The following PDZD2 variants were observed in gnomAD, a reference collection of about 807,000 sequenced individuals.
PDZD2 encodes PDZ domain containing 2.
Under a neutral mutation model 220.7 loss-of-function variants are expected in PDZD2, and 90 were observed. The ratio of observed to expected loss-of-function variants is 0.41; its 90% confidence interval spans 0.34 to 0.49. PDZD2 has a LOEUF of 0.49. Ranked by LOEUF, PDZD2 falls within the 20% of genes least tolerant of loss-of-function variation. The pLI, the probability that PDZD2 is intolerant of heterozygous loss-of-function variation, is 0.28. For missense variants in PDZD2, 3,174 were observed against 3,608.5 expected (o/e 0.88, Z 3.08); for synonymous variants, 1,375 against 1,450.5 (o/e 0.95, Z 1.18).
At chr5:31,911,576 C>A (rs1047972895) in intron 2 of PDZD2, among the ~76,000 whole-genome samples, 11 of 152,240 alleles carry the variant, frequency 7.2e-5, no homozygotes, top group Non-Finnish European at 1.3e-4. Context: ...TCTGGCAGGA[C>A]TTCTGGCTGC....
chr5:32,088,265 G>C lies in PDZD2; in HGVS notation c.4817G>C (p.Gly1606Ala), dbSNP rs1581464283. ...CAGATTGAGATTTGTTCCACACGTG[G>C]CTGCCCCAATCCACCCTCGAGTCCT... ...EEQIEICSTR[G>A]CPNPPSSPAH... The change falls in exon 20 of 25, where the codon GGC (glycine) becomes GCC (alanine). Residue 1606 changes from glycine to alanine, a missense_variant. Physicochemically the swap from Gly to Ala is moderately conservative, Grantham distance 60. This residue lies in a region of PDZD2 where 1,861 missense variants were observed against 2,001.0 expected (regional missense o/e 0.93). Transcript: ENST00000438447. The surrounding 1 kb of genome is among the most constrained non-coding windows in gnomAD (Gnocchi z 4.6). 1 of 1,614,086 alleles carries C rather than the reference G, an allele frequency of 6.2e-7. No individual in the cohort carries two copies. Among genetic ancestry groups the C allele is most frequent in the East Asian group, 2.2e-5 (1 of 44,868 alleles).
intron 1 of PDZD2, among the ~76,000 whole-genome samples, chr5:31,645,446 C>T (rs1016866759): frequency 1.3e-5 from 2 of 151,656 alleles, no homozygotes; most frequent in South Asian, 2.1e-4. Context: ...AAGTGATTCT[C>T]CTCCCTCAGC....
rs1167460503 is a variant in PDZD2 at position 31,827,705 on chromosome 5, A to AT, written c.476+27981_476+27982insT. Among the ~76,000 whole-genome samples the AT allele has an allele frequency of 1.6e-3, 216 of 138,292 alleles. 1 individual carries two copies. Among genetic ancestry groups the AT allele is most frequent in the African/African-American group, 5.5e-3 (202 of 36,518 alleles). 90.7% of individuals were successfully genotyped at this position (138,292 alleles called of 152,430 possible). ...AGACTCTGTCTCAAAAAAAATAAAT[A>AT]AATAAAAAAATAAAAATAATTTTAA... On this transcript the variant is annotated intron_variant, in intron 2 of 24. Coordinates refer to ENST00000438447, the MANE Select transcript of PDZD2 (RefSeq NM_178140.4).
At chr5:32,086,435 T>C (rs572787838) in intron 19 of PDZD2, among the ~76,000 whole-genome samples, 1 of 152,332 alleles carries the variant, frequency 6.6e-6, no homozygotes, top group Non-Finnish European at 1.5e-5. Context: ...GTAATCAGCA[T>C]ATCCATCACA....
intron 2 of PDZD2, among the ~76,000 whole-genome samples, chr5:31,821,389 T>TA (rs58933985): frequency 0.54 from 78,895 of 147,306 alleles, 21,465 homozygotes; most frequent in Non-Finnish European, 0.61. Flanking sequence ...TTATTATTAT[T>TA]TTTTTTTTTT....
At chr5:31,928,627 C>T (rs1396837222) in intron 2 of PDZD2, among the ~76,000 whole-genome samples, 3 of 152,106 alleles carry the variant, frequency 2.0e-5, no homozygotes, top group Non-Finnish European at 4.4e-5. Context: ...AGGCATGTGC[C>T]ACCACACCTG....
chr5:31,893,976 C>T (rs1741298828), intron 2 of PDZD2, among the ~76,000 whole-genome samples: 1 of 151,676 alleles, frequency 6.6e-6, no homozygotes, highest in African/African-American at 2.4e-5. Flanking sequence ...CTCACTGCAA[C>T]CTCCACCTCC....
chr5:32,068,054 G>A (rs1030658235), intron 14 of PDZD2, among the ~76,000 whole-genome samples: 1 of 151,968 alleles, frequency 6.6e-6, no homozygotes, highest in African/African-American at 2.4e-5. Flanking sequence ...CTAATCAAGA[G>A]ATCAAAGTTA....
intron 3 of PDZD2, among the ~76,000 whole-genome samples, chr5:31,985,650 C>G (rs1750653953): frequency 6.6e-6 from 1 of 152,036 alleles, no homozygotes; most frequent in African/African-American, 2.4e-5. Context: ...CCAGGAATCG[C>G]ACCACCACCC....
intron 2 of PDZD2, among the ~76,000 whole-genome samples, chr5:31,910,432 A>T (rs1378252198): frequency 1.4e-5 from 2 of 142,912 alleles, no homozygotes. Context: ...TTTGAGACAG[A>T]GTCTCACTCT....
chr5:31,735,021 A>G (rs1056944696), intron 1 of PDZD2, among the ~76,000 whole-genome samples: 16 of 152,248 alleles, frequency 1.1e-4, no homozygotes, highest in African/African-American at 3.6e-4. Flanking sequence ...CCTTGGCTTC[A>G]AGGTTCTGAC....
chr5:32,022,755 A>G (rs1198410891), intron 6 of PDZD2, among the ~76,000 whole-genome samples: 1 of 152,190 alleles, frequency 6.6e-6, no homozygotes, highest in East Asian at 1.9e-4. Context: ...AGAAATCCAC[A>G]AAGTCTATTG....
intron 2 of PDZD2, among the ~76,000 whole-genome samples, chr5:31,885,196 C>T (rs1166856989): frequency 2.0e-5 from 3 of 147,620 alleles, no homozygotes; most frequent in Middle Eastern, 3.6e-3. Flanking sequence ...AATGCTTGAG[C>T]TGTTAGGTAA....
chr5:31,897,111 A>G (rs1741639579), intron 2 of PDZD2, among the ~76,000 whole-genome samples: 1 of 151,754 alleles, frequency 6.6e-6, no homozygotes, highest in Admixed American at 6.6e-5. Flanking sequence ...TCTATACATC[A>G]CTCGTGAAAA....
chr5:31,728,570 G>C (rs1335025823), intron 1 of PDZD2, among the ~76,000 whole-genome samples: 1 of 152,124 alleles, frequency 6.6e-6, no homozygotes, highest in South Asian at 2.1e-4. Context: ...GACCACATTC[G>C]ATCTGATGCT....
intron 7 of PDZD2, among the ~76,000 whole-genome samples, chr5:32,040,433 G>A (rs1231868902): frequency 3.1e-5 from 4 of 130,342 alleles, no homozygotes; most frequent in African/African-American, 5.9e-5. Flanking sequence ...CGTCTCTGCC[G>A]GACTGCCCAT....
intron 2 of PDZD2, among the ~76,000 whole-genome samples, chr5:31,915,372 C>A (rs1344636095): frequency 6.6e-6 from 1 of 152,208 alleles, no homozygotes; most frequent in Non-Finnish European, 1.5e-5. Context: ...GTGCTAGGGG[C>A]TGTTCTCCAC....
chr5:32,059,139 G>A (rs565701061), intron 12 of PDZD2, 100 bp from the exon 13 acceptor site: 27 of 658,070 alleles, frequency 4.1e-5, no homozygotes, highest in South Asian at 3.9e-4. Flanking sequence ...AATGGTTATT[G>A]GTCTGAATAG....
intron 1 of PDZD2, among the ~76,000 whole-genome samples, chr5:31,656,328 C>T (rs1745550372): frequency 6.6e-6 from 1 of 152,184 alleles, no homozygotes; most frequent in Non-Finnish European, 1.5e-5. Context: ...GCAGCCTCCC[C>T]CGGAACACCT....
Sources: allele counts gnomAD v4.1 joint callset (sites outside exome capture counted in the v4.1 genomes callset), GRCh38; gene constraint gnomAD v4.1.1; regional missense constraint gnomAD v4.1.1; non-coding constraint Gnocchi (gnomAD v3.1); transcripts MANE v1.5; gene names NCBI Gene and HGNC (gene_info 2026-07-23, HGNC 2026-07-21).